The following DCUN1D5 variants were observed in gnomAD, a reference collection of about 807,000 sequenced individuals.
DCUN1D5 encodes the protein DCN1-like protein 5.
Under a neutral mutation model 38.3 loss-of-function variants are expected in DCUN1D5, and 10 were observed. The observed-to-expected ratio is 0.26, with a 90% CI of 0.16 to 0.44. The LOEUF is 0.44. Ranked by LOEUF, DCUN1D5 falls within the 20% of genes least tolerant of loss-of-function variation. The probability of loss-of-function intolerance (pLI) is 1.00; values close to 1 mark genes in which losing one functional copy is unlikely to be tolerated. For missense variants in DCUN1D5, 148 were observed against 275.3 expected (o/e 0.54, Z 3.27); for synonymous variants, 93 against 90.9 (o/e 1.02, Z -0.13).
Position 103,092,062 on chromosome 11 carries a change from C to A in DCUN1D5, c.-190G>T, listed in dbSNP as rs568285812. 8 of 596,434 alleles carry A rather than the reference C, an allele frequency of 1.3e-5. No homozygotes were observed. In the South Asian group the frequency reaches 1.4e-4, roughly 10 times the overall value. The allele number at this position is 596,434 out of a possible 1,614,324, so 36.9% of individuals were successfully genotyped here. ...AGGTATCCTCGTCGTCTTTCTCTGA[C>A]CGGGACAGGGCTGGCTCCTCGCCGG... is the stretch of plus-strand genomic sequence containing the variant. On this transcript the variant is annotated 5_prime_UTR_variant, in exon 1 of 8. Transcript: ENST00000260247.
chr11:103,061,669 TATC>T lies in DCUN1D5; in HGVS notation c.*687_*689del, dbSNP rs562588001. ...ACAGTTAAAAATATAAATATGCTAT[TATC>T]AACAATAATAATGATGATACAACTT... is the stretch of plus-strand genomic sequence containing the variant. On this transcript the variant is annotated 3_prime_UTR_variant, in exon 8 of 8. Transcript: ENST00000260247. Among the ~76,000 whole-genome samples the T allele has an allele frequency of 4.2e-4, 63 of 151,598 alleles. No individual in the cohort carries two copies. Among genetic ancestry groups the T allele is most frequent in the African/African-American group, 1.4e-3 (59 of 41,390 alleles).
Position 103,091,616 on chromosome 11 carries a change from G to T in DCUN1D5, c.86+171C>A. The T allele has an allele frequency of 8.4e-7, 1 of 1,193,302 alleles. No individual in the cohort carries two copies. The highest frequency in any genetic ancestry group is 1.2e-6 in the Non-Finnish European group (1 of 838,276). The allele number at this position is 1,193,302 out of a possible 1,614,324, so 73.9% of individuals were successfully genotyped here. A position where few individuals can be genotyped will look rare whatever the true frequency, so the allele number is the denominator to read the frequency against. ...CCAGCGTGCACACACTCGAACACGA[G>T]GTCGGGTCGGGCGCGGAGACTCGCG... is the stretch of plus-strand genomic sequence containing the variant. On this transcript the variant is annotated intron_variant, in intron 1 of 7. Coordinates refer to ENST00000260247, the MANE Select transcript of DCUN1D5 (RefSeq NM_032299.4). This position sits in a 1 kb window ranked among gnomAD's most constrained non-coding sequence, Gnocchi z 4.3.
chr11:103,062,477 A>C lies in DCUN1D5; in HGVS notation c.659-63T>G. 2 of 1,418,520 alleles carry C rather than the reference A, an allele frequency of 1.4e-6. No individual in the cohort carries two copies. The highest frequency in any genetic ancestry group is 2.4e-5 in the South Asian group (2 of 84,572). The allele number at this position is 1,418,520 out of a possible 1,614,324, so 87.9% of individuals were successfully genotyped here. On this transcript the variant is annotated intron_variant, in intron 7 of 7. Transcript: ENST00000260247. This position sits in a 1 kb window ranked among gnomAD's most constrained non-coding sequence, Gnocchi z 4.6. ...AACTCATCTCTCCAATTATAAAACAAACTCCCCACGAGCTCTGCAATGACA... is the reference window on the plus strand; with the variant it reads ...AACTCATCTCTCCAATTATAAAACACACTCCCCACGAGCTCTGCAATGACA...
In DCUN1D5 at chr11:103,059,556, A is replaced by G. The variant is rs151160414; in HGVS notation, c.*2803T>C. Among the ~76,000 whole-genome samples, 1,732 of 152,248 alleles carry G rather than the reference A, an allele frequency of 0.011. 19 individuals carry two copies. The highest frequency in any genetic ancestry group is 0.085 in the Middle Eastern group (25 of 294). On this transcript the variant is annotated 3_prime_UTR_variant, in exon 8 of 8. Transcript: ENST00000260247. ...CACAAAAATGCTACTACTGTCAAAA[A>G]TGTATTATATCAATAATTTTATCAG...
intron 1 of DCUN1D5, among the ~76,000 whole-genome samples, chr11:103,089,853 AAAC>A (rs1459134708): frequency 1.3e-5 from 2 of 152,200 alleles, no homozygotes; most frequent in African/African-American, 4.8e-5. Context: ...GATTTAAAAA[AAAC>A]AACAAAAAAA....
In DCUN1D5 at chr11:103,086,191, A is replaced by C. The variant is rs1293072259; in HGVS notation, c.179-2865T>G. Among the ~76,000 whole-genome samples, 1 of 152,200 alleles carries C rather than the reference A, an allele frequency of 6.6e-6. No homozygotes were observed. Among genetic ancestry groups the C allele is most frequent in the Non-Finnish European group, 1.5e-5 (1 of 68,034 alleles). On this transcript the variant is annotated intron_variant, in intron 2 of 7. Transcript: ENST00000260247. The surrounding 1 kb of genome is among the most constrained non-coding windows in gnomAD (Gnocchi z 4.1). ...AACAGATGCTTAGGGGGAAAAAAAA[A>C]AAATTCTCAGTGACACAGCACCTTC...
rs1308084144 is a variant in DCUN1D5, at chr11:103,059,720, C to T, written c.*2639G>A. Among the ~76,000 whole-genome samples, 2 of 122,612 alleles carry T rather than the reference C, an allele frequency of 1.6e-5. No individual in the cohort carries two copies. The highest frequency in any genetic ancestry group is 1.1e-4 in the Admixed American group (1 of 8,744). The allele number at this position is 122,612 out of a possible 152,430, so 80.4% of individuals were successfully genotyped here. ...ATTTCCTAGAGGTATTAACATCATA[C>T]CTTATTAAGAATTATTGGCCCCGAG... On this transcript the variant is annotated 3_prime_UTR_variant, in exon 8 of 8. Coordinates refer to ENST00000260247, the MANE Select transcript of DCUN1D5 (RefSeq NM_032299.4).
At position 103,050,815 on chromosome 11, in the gene DCUN1D5, AAGG is replaced by A. The variant is rs1285172637; in HGVS notation, c.*11541_*11543del. Reference sequence around the variant, plus strand: ...GCAAAAACACACAGTCCCTGCTCTCAAGGAGCTCACAGTTAAGAAAACAGATAT... The same window carrying A: ...GCAAAAACACACAGTCCCTGCTCTCAAGCTCACAGTTAAGAAAACAGATAT... On this transcript the variant is annotated 3_prime_UTR_variant, in exon 8 of 8. Coordinates refer to ENST00000260247, the MANE Select transcript of DCUN1D5 (RefSeq NM_032299.4). 1 of 152,216 alleles carries A rather than the reference AAGG, an allele frequency of 6.6e-6. No homozygotes were observed. The highest frequency in any genetic ancestry group is 1.5e-5 in the Non-Finnish European group (1 of 68,032). 9.4% of individuals were successfully genotyped at this position (152,216 alleles called of 1,614,324 possible).
Position 103,062,059 on chromosome 11 carries a change from C to T in DCUN1D5, c.*300G>A. ...TTTACAAAAATAAATACCACTCTGA[C>T]ACTCAAGGGACATCTTCACTTTAAG... is the stretch of plus-strand genomic sequence containing the variant. On this transcript the variant is annotated 3_prime_UTR_variant, in exon 8 of 8. Coordinates refer to ENST00000260247, the MANE Select transcript of DCUN1D5 (RefSeq NM_032299.4). This position sits in a 1 kb window ranked among gnomAD's most constrained non-coding sequence, Gnocchi z 4.6. 2 of 305,156 alleles carry T rather than the reference C, an allele frequency of 6.6e-6. No homozygotes were observed. The allele number at this position is 305,156 out of a possible 1,614,324, so 18.9% of individuals were successfully genotyped here.
At chr11:103,074,727 T>C (rs796723067) in intron 4 of DCUN1D5, among the ~76,000 whole-genome samples, 3 of 152,152 alleles carry the variant, frequency 2.0e-5, no homozygotes, top group African/African-American at 7.2e-5. Context: ...TGTTTTTCAC[T>C]TTCAGAAATT....
At chr11:103,076,764 C>A (rs1862417409) in intron 4 of DCUN1D5, among the ~76,000 whole-genome samples, 1 of 152,154 alleles carries the variant, frequency 6.6e-6, no homozygotes. Context: ...ATGCTTAGCA[C>A]AGTCCTTGAT....
At chr11:103,076,573 C>T (rs1226526789) in intron 4 of DCUN1D5, among the ~76,000 whole-genome samples, 1 of 152,180 alleles carries the variant, frequency 6.6e-6, no homozygotes, top group Non-Finnish European at 1.5e-5. Context: ...TGGCTTTCAG[C>T]AAGTTACTAA....
In DCUN1D5 at chr11:103,058,250, C is replaced by G. The variant is rs1861925392; in HGVS notation, c.*4109G>C. ...TACACAGCAAAATGTTTCATCGATC[C>G]TAAAAAGAAAATGGTCACACCAATA... On this transcript the variant is annotated 3_prime_UTR_variant, in exon 8 of 8. Coordinates refer to ENST00000260247, the MANE Select transcript of DCUN1D5 (RefSeq NM_032299.4). Among the ~76,000 whole-genome samples, 1 of 151,970 alleles carries G rather than the reference C, an allele frequency of 6.6e-6. No homozygotes were observed. The highest frequency in any genetic ancestry group is 2.4e-5 in the African/African-American group (1 of 41,360).
Position 103,073,675 on chromosome 11 carries a change from A to C in DCUN1D5, c.342-7108T>G, listed in dbSNP as rs147515240. Among the ~76,000 whole-genome samples, 62 of 152,354 alleles carry C rather than the reference A, an allele frequency of 4.1e-4. 1 individual carries two copies. The East Asian group carries it at 0.011, about 28-fold the overall frequency. On this transcript the variant is annotated intron_variant, in intron 4 of 7. Transcript: ENST00000260247. The surrounding 1 kb of genome is among the most constrained non-coding windows in gnomAD (Gnocchi z 4.2). ...AATTCAAAATGCACCACTGACTTAC[A>C]TGTAAAATTTAATAATGGAAGGCTT...
chr11:103,065,547 G>A lies in DCUN1D5; in HGVS notation c.555+722C>T, dbSNP rs1862114212. On this transcript the variant is annotated intron_variant, in intron 6 of 7. Coordinates refer to ENST00000260247, the MANE Select transcript of DCUN1D5 (RefSeq NM_032299.4). This position sits in a 1 kb window ranked among gnomAD's most constrained non-coding sequence, Gnocchi z 4.6. ...GCTTTATGAGAAATTATTTCCAAAG[G>A]AAAAAGCATCTGTATTCAAGATATG... Among the ~76,000 whole-genome samples the A allele has an allele frequency of 6.6e-6, 1 of 151,372 alleles. No homozygotes were observed. Among genetic ancestry groups the A allele is most frequent in the Non-Finnish European group, 1.5e-5 (1 of 67,834 alleles).
Position 103,065,756 on chromosome 11 carries a change from A to G in DCUN1D5, c.555+513T>C, listed in dbSNP as rs1448739234. On this transcript the variant is annotated intron_variant, in intron 6 of 7. Transcript: ENST00000260247. The surrounding 1 kb of genome is among the most constrained non-coding windows in gnomAD (Gnocchi z 4.6). ...TTCAGCTTACATTTTTTTAGTAACC[A>G]GCATATTTAAGTATACTATTATAGC... is the stretch of plus-strand genomic sequence containing the variant. 6.6e-6 allele frequency among the ~76,000 whole-genome samples: 1 copy of G among 152,166 alleles called. No individual in the cohort carries two copies. Among genetic ancestry groups the G allele is most frequent in the African/African-American group, 2.4e-5 (1 of 41,448 alleles).
chr11:103,085,329 G>C (rs892543970), intron 2 of DCUN1D5, among the ~76,000 whole-genome samples: 4 of 152,072 alleles, frequency 2.6e-5, no homozygotes, highest in Non-Finnish European at 5.9e-5. Context: ...TCCCAGCTAC[G>C]CAGGAGGCTG....
Position 103,061,112 on chromosome 11 carries a change from C to T in DCUN1D5, c.*1247G>A, listed in dbSNP as rs1382291331. Among the ~76,000 whole-genome samples the T allele has an allele frequency of 6.6e-6, 1 of 152,138 alleles. No homozygotes were observed. Among genetic ancestry groups the T allele is most frequent in the Non-Finnish European group, 1.5e-5 (1 of 67,990 alleles). On this transcript the variant is annotated 3_prime_UTR_variant, in exon 8 of 8. Coordinates refer to ENST00000260247, the MANE Select transcript of DCUN1D5 (RefSeq NM_032299.4). ...ATAAAACACTTTAAAATGTCATTCTCTTAGGTAATCAATATGGAGAAATCA... is the reference window on the plus strand; with the variant it reads ...ATAAAACACTTTAAAATGTCATTCTTTTAGGTAATCAATATGGAGAAATCA...
At chr11:103,089,202 T>C (rs1283043747) in intron 2 of DCUN1D5, 25 bp downstream of exon 2, 1 of 1,604,040 alleles carries the variant, frequency 6.2e-7, no homozygotes, top group Non-Finnish European at 8.5e-7. Flanking sequence ...ATATGACTAG[T>C]ATCTTCTTAT....
Sources: allele counts gnomAD v4.1 joint callset (sites outside exome capture counted in the v4.1 genomes callset), GRCh38; gene constraint gnomAD v4.1.1; non-coding constraint Gnocchi (gnomAD v3.1); transcripts MANE v1.5; gene names NCBI Gene and HGNC (gene_info 2026-07-23, HGNC 2026-07-21).